SYT14: variants seen among roughly 807,000 people sequenced by gnomAD.
SYT14 encodes synaptotagmin-14.
In SYT14, 32 loss-of-function variants were observed where a neutral mutation model predicts 74.2. The observed-to-expected ratio is 0.43, with a 90% CI of 0.33 to 0.58. The LOEUF (loss-of-function observed/expected upper bound fraction) is 0.58, where lower values mean the gene tolerates loss of function less well. SYT14 is among the 20% of genes least tolerant of loss of function. The probability of loss-of-function intolerance (pLI) is 0.05; values close to 1 mark genes in which losing one functional copy is unlikely to be tolerated. For missense variants in SYT14, 791 were observed against 981.8 expected (o/e 0.81, Z 2.60); for synonymous variants, 298 against 337.7 (o/e 0.88, Z 1.29).
At chr1:210,013,640 A>G (rs2080128080) in exon 3 of SYT14, 1 of 1,613,004 alleles carries the variant, frequency 6.2e-7, no homozygotes, top group Non-Finnish European at 8.5e-7. Flanking sequence ...TAGTATCTCC[A>G]GAGGCAGTTG....
intron 2 of SYT14, among the ~76,000 whole-genome samples, chr1:210,001,893 T>A (rs2079907193): frequency 1.3e-5 from 2 of 151,878 alleles, no homozygotes; most frequent in African/African-American, 2.4e-5. Context: ...AGGGAAGTGG[T>A]AGGAAATGAG....
chr1:209,989,388 A>G (rs2079625996), intron 2 of SYT14, among the ~76,000 whole-genome samples: 1 of 152,314 alleles, frequency 6.6e-6, no homozygotes, highest in African/African-American at 2.4e-5. Context: ...AGAATTGGAA[A>G]TTGGACAATG....
intron 7 of SYT14, among the ~76,000 whole-genome samples, chr1:210,102,806 C>T (rs573112568): frequency 1.3e-5 from 2 of 151,882 alleles, no homozygotes; most frequent in South Asian, 4.2e-4. Context: ...CTCAGCCTCT[C>T]GAATAGCTAG....
In SYT14 at chr1:209,943,508, CAAAAAAAAAA is replaced by C. The variant is rs58806792; in HGVS notation, c.-534+5251_-534+5260del. ...TGGACAACAGAGCGAGATTCAATCT[CAAAAAAAAAA>C]AAAAAAAAAAAAAAAAAAAGAGAAT... is the stretch of plus-strand genomic sequence containing the variant. On this transcript the variant is annotated intron_variant, in intron 1 of 9. Transcript: ENST00000637265. Among the ~76,000 whole-genome samples the C allele has an allele frequency of 1.9e-4, 11 of 59,328 alleles. No individual in the cohort carries two copies. The East Asian group carries it at 3.7e-3, about 20-fold the overall frequency. 38.9% of individuals were successfully genotyped at this position (59,328 alleles called of 152,430 possible). A position where few individuals can be genotyped will look rare whatever the true frequency, so the allele number is the denominator to read the frequency against.
chr1:210,122,583 T>A (rs1387114066), intron 7 of SYT14, among the ~76,000 whole-genome samples: 2 of 152,088 alleles, frequency 1.3e-5, no homozygotes, highest in African/African-American at 4.8e-5. Flanking sequence ...TTTTTTTAGG[T>A]TCCACATATG....
At chr1:210,079,438 T>C (rs1298402472) in intron 5 of SYT14, among the ~76,000 whole-genome samples, 2 of 152,308 alleles carry the variant, frequency 1.3e-5, no homozygotes, top group East Asian at 3.9e-4. Context: ...ATAAGTTTTT[T>C]GTCAGGTAGG....
exon 4 of SYT14, chr1:210,016,855 A>T: frequency 8.1e-7 from 1 of 1,231,836 alleles, no homozygotes; most frequent in African/African-American, 1.5e-5. Context: ...AATGTTCTTT[A>T]AAAGATATTT....
chr1:210,008,433 A>C (rs1223126907), intron 2 of SYT14, among the ~76,000 whole-genome samples: 1 of 151,982 alleles, frequency 6.6e-6, no homozygotes, highest in African/African-American at 2.4e-5. Flanking sequence ...GCGCGATCTC[A>C]GCTCACTGCA....
At chr1:209,945,322 A>G (rs890618750) in intron 1 of SYT14, among the ~76,000 whole-genome samples, 4 of 152,352 alleles carry the variant, frequency 2.6e-5, no homozygotes, top group African/African-American at 9.6e-5. Flanking sequence ...GTCTGACTCA[A>G]TTCAGAAGCA....
At chr1:210,027,315 C>T (rs2080434896) in intron 5 of SYT14, among the ~76,000 whole-genome samples, 1 of 151,334 alleles carries the variant, frequency 6.6e-6, no homozygotes, top group Admixed American at 6.6e-5. Flanking sequence ...CTCAGGATGC[C>T]AAGTCGGGAG....
At chr1:210,037,149 T>G (rs1286534717) in intron 5 of SYT14, among the ~76,000 whole-genome samples, 1 of 152,100 alleles carries the variant, frequency 6.6e-6, no homozygotes, top group Non-Finnish European at 1.5e-5. Context: ...TCTTCCTGGT[T>G]CAATCTTGGG....
At position 210,160,903 on chromosome 1, in the gene SYT14, GC is replaced by G. The variant is rs1558231319; in HGVS notation, c.2457del (p.Ser819ArgfsTer2). 1.2e-6 allele frequency: 2 copies of G among 1,613,976 alleles called. No homozygotes were observed. The highest frequency in any genetic ancestry group is 3.3e-5 in the Admixed American group (2 of 59,992). ...ATACTGTCTGTGTATAACAAACGCA[GC>G]ATGAAAAGAAAAGAGATGATAGGCT... is the stretch of plus-strand genomic sequence containing the variant. On this transcript the variant is annotated frameshift_variant, in exon 10 of 10. Coordinates refer to ENST00000637265, the Ensembl canonical transcript of SYT14. LOFTEE classifies it high-confidence loss of function.
At chr1:210,034,062 G>A (rs1312598358) in intron 5 of SYT14, among the ~76,000 whole-genome samples, 7 of 151,740 alleles carry the variant, frequency 4.6e-5, no homozygotes, top group Non-Finnish European at 5.9e-5. Context: ...ATTTATGAAT[G>A]ATTATGTGGT....
In SYT14 at chr1:210,069,204, T is replaced by A. The variant is rs150638198; in HGVS notation, c.1313-25118T>A. Among the ~76,000 whole-genome samples, 722 of 152,044 alleles carry A rather than the reference T, an allele frequency of 4.7e-3. 4 individuals are homozygous for A. The highest frequency in any genetic ancestry group is 0.014 in the African/African-American group (564 of 41,564). ...GCTGGTGTATTTGTGTATGTGTGTG[T>A]CAAGGGGATTAATATCTATTGTATC... On this transcript the variant is annotated intron_variant, in intron 5 of 9. Coordinates refer to ENST00000637265, the Ensembl canonical transcript of SYT14.
chr1:210,038,502 T>C (rs2080717197), intron 5 of SYT14, among the ~76,000 whole-genome samples: 1 of 152,148 alleles, frequency 6.6e-6, no homozygotes, highest in Non-Finnish European at 1.5e-5. Flanking sequence ...TTTGTCTAAT[T>C]ATTTTATAAG....
intron 7 of SYT14, among the ~76,000 whole-genome samples, chr1:210,104,499 TACC>T (rs1285616033): frequency 2.0e-5 from 3 of 152,246 alleles, no homozygotes; most frequent in South Asian, 2.1e-4. Flanking sequence ...TTATCCTTCC[TACC>T]ATGGCATATA....
chr1:210,023,313 C>G (rs747895328), intron 5 of SYT14, among the ~76,000 whole-genome samples: 19 of 152,076 alleles, frequency 1.2e-4, no homozygotes, highest in Non-Finnish European at 1.8e-4. Flanking sequence ...GTCACATGAA[C>G]AAAGTGCAGT....
chr1:210,123,855 CA>C (rs957737840), intron 7 of SYT14, among the ~76,000 whole-genome samples: 2 of 151,764 alleles, frequency 1.3e-5, no homozygotes, highest in African/African-American at 4.8e-5. Context: ...GGAAAGATGA[CA>C]AGAAAACTAA....
chr1:209,991,033 A>G (rs910609658), intron 2 of SYT14, among the ~76,000 whole-genome samples: 4 of 152,186 alleles, frequency 2.6e-5, no homozygotes, highest in African/African-American at 9.7e-5. Flanking sequence ...ACACTGGGGA[A>G]AGGACACCCT....
Sources: allele counts gnomAD v4.1 joint callset (sites outside exome capture counted in the v4.1 genomes callset), GRCh38; gene constraint gnomAD v4.1.1; transcripts MANE v1.5; gene names NCBI Gene and HGNC (gene_info 2026-07-23, HGNC 2026-07-21).